The following FAM193B variants were observed in gnomAD, a reference collection of about 807,000 sequenced individuals.
FAM193B encodes protein FAM193B.
FAM193B carries 27 observed loss-of-function variants against 70.7 expected under a neutral mutation model. The observed-to-expected ratio is 0.38, with a 90% CI of 0.28 to 0.53. The LOEUF is 0.53. Ranked by LOEUF, FAM193B falls within the 20% of genes least tolerant of loss-of-function variation. The pLI is 0.81. For missense variants in FAM193B, 1,022 were observed against 1,072.5 expected, an observed-to-expected ratio of 0.95 and a Z score of 0.66; for synonymous variants, 448 against 436.0, an observed-to-expected ratio of 1.03 and a Z score of -0.34.
In FAM193B at chr5:177,532,478, C is replaced by T; in HGVS notation, c.1240G>A (p.Asp414Asn). The change falls in exon 5 of 9, where the codon GAC (aspartate) becomes AAC (asparagine). Residue 414 changes from aspartate to asparagine, a missense_variant. Coordinates refer to ENST00000514747, the MANE Select transcript of FAM193B (RefSeq NM_001190946.3). The surrounding 1 kb of genome is among the most constrained non-coding windows in gnomAD (Gnocchi z 4.9). ...STHQRDGKFC[D>N]CCYCEFFGHN... ...CCGAAGAACTCACAGTAGCAGCAGT[C>T]ACAGAACTTCCCATCTCTCTGGTGG... 1 of 1,612,088 alleles carries T rather than the reference C, an allele frequency of 6.2e-7. No homozygotes were observed. The highest frequency in any genetic ancestry group is 8.5e-7 in the Non-Finnish European group (1 of 1,179,238).
At chr5:177,546,905 A>G (rs1220951800) in intron 1 of FAM193B, among the ~76,000 whole-genome samples, 1 of 152,196 alleles carries the variant, frequency 6.6e-6, no homozygotes, top group Non-Finnish European at 1.5e-5. Flanking sequence ...AGGAGGGCCC[A>G]AGCCGCAGAT....
Position 177,532,365 on chromosome 5 carries a change from C to G in FAM193B, c.1275+78G>C. The G allele has an allele frequency of 2.6e-6, 4 of 1,530,478 alleles. No individual in the cohort carries two copies. Among genetic ancestry groups the G allele is most frequent in the Non-Finnish European group, 3.5e-6 (4 of 1,141,924 alleles). 94.8% of individuals were successfully genotyped at this position (1,530,478 alleles called of 1,614,324 possible). ...TAATTACCACCGTGAGCAACGGGGT[C>G]TCTGGGGAGAGCAGGGTGCTCCTTT... On this transcript the variant is annotated intron_variant, in intron 5 of 8. Transcript: ENST00000514747. This position sits in a 1 kb window ranked among gnomAD's most constrained non-coding sequence, Gnocchi z 4.9.
chr5:177,538,136 G>C lies in FAM193B; in HGVS notation c.454-29C>G. ...GAGAAGGGGGAGGAAAAAGGCTCAC[G>C]GTCAAACAGCAAACATCGGAGCTGA... On this transcript the variant is annotated intron_variant, in intron 2 of 8. Transcript: ENST00000514747. The surrounding 1 kb of genome is among the most constrained non-coding windows in gnomAD (Gnocchi z 4.1). 1 of 1,513,916 alleles carries C rather than the reference G, an allele frequency of 6.6e-7. No homozygotes were observed. The highest frequency in any genetic ancestry group is 1.3e-5 in the South Asian group (1 of 79,184). 93.8% of individuals were successfully genotyped at this position (1,513,916 alleles called of 1,614,324 possible).
At position 177,538,707 on chromosome 5, in the gene FAM193B, C is replaced by CCA. The variant is rs1764485402; in HGVS notation, c.453+197_453+198insTG. Among the ~76,000 whole-genome samples the CCA allele has an allele frequency of 1.3e-5, 2 of 152,188 alleles. No individual in the cohort carries two copies. The highest frequency in any genetic ancestry group is 2.9e-5 in the Non-Finnish European group (2 of 68,032). ...GCACAGACCACCCTGAGGGACTGACCGGTGGGCTGCCAGAAGTTTCTCTTC... is the reference window on the plus strand; with the variant it reads ...GCACAGACCACCCTGAGGGACTGACCCAGGTGGGCTGCCAGAAGTTTCTCTTC... On this transcript the variant is annotated intron_variant, in intron 2 of 8. Coordinates refer to ENST00000514747, the MANE Select transcript of FAM193B (RefSeq NM_001190946.3). The surrounding 1 kb of genome is among the most constrained non-coding windows in gnomAD (Gnocchi z 4.1).
chr5:177,531,915 A>G lies in FAM193B; in HGVS notation c.1275+528T>C, dbSNP rs987697053. 2.5e-6 allele frequency: 3 copies of G among 1,214,906 alleles called. No individual in the cohort carries two copies. The African/African-American group carries it at 4.8e-5, about 19-fold the overall frequency. The allele number at this position is 1,214,906 out of a possible 1,614,324, so 75.3% of individuals were successfully genotyped here. On this transcript the variant is annotated intron_variant, in intron 5 of 8. Transcript: ENST00000514747. ...AATTACTTTCATTTCTTCTATCCTC[A>G]GCTGCTCTACCCTAACCAGCGGCCC...
In FAM193B at chr5:177,524,666, G is replaced by C; in HGVS notation, c.1815C>G (p.Gly605=). ...AGCTTGGCTCCTCGGAGCTGGGGTAGCCCGGCTTGGGTGTCTTGACCCAGA... is the reference window on the plus strand; with the variant it reads ...AGCTTGGCTCCTCGGAGCTGGGGTACCCCGGCTTGGGTGTCTTGACCCAGA... ...RVIWVKTPKP[G]YPSSEEPSSK... Residue 605 remains glycine (G), a synonymous_variant, in exon 6 of 9, where the codon GGC becomes GGG. Coordinates refer to ENST00000514747, the MANE Select transcript of FAM193B (RefSeq NM_001190946.3). 1 of 1,611,980 alleles carries C rather than the reference G, an allele frequency of 6.2e-7. No individual in the cohort carries two copies. Among genetic ancestry groups the C allele is most frequent in the Non-Finnish European group, 8.5e-7 (1 of 1,179,196 alleles).
chr5:177,531,438 C>T (rs756621148), intron 5 of FAM193B: 4 of 1,363,328 alleles, frequency 2.9e-6, no homozygotes, highest in Non-Finnish European at 3.9e-6. Flanking sequence ...CCTTCATGGG[C>T]AGCTCCTCTT....
intron 1 of FAM193B, chr5:177,553,539 A>G (rs1766584660): frequency 1.8e-6 from 2 of 1,140,764 alleles, no homozygotes; most frequent in Non-Finnish European, 1.1e-6. Context: ...ACCTTCTTCC[A>G]GGTGGCAAGC....
At chr5:177,528,342 G>T (rs952652854) in intron 5 of FAM193B, among the ~76,000 whole-genome samples, 6 of 152,316 alleles carry the variant, frequency 3.9e-5, no homozygotes, top group Middle Eastern at 3.4e-3. Context: ...GACAGTGAAT[G>T]CAGACATCAT....
At chr5:177,552,575 A>G (rs887985944) in intron 1 of FAM193B, among the ~76,000 whole-genome samples, 2 of 152,268 alleles carry the variant, frequency 1.3e-5, no homozygotes, top group South Asian at 4.1e-4. Flanking sequence ...AGAGAAGACA[A>G]CAGCTTTCCA....
Position 177,524,959 on chromosome 5 carries a change from C to G in FAM193B, c.1522G>C (p.Ala508Pro), listed in dbSNP as rs754913013. ...DSNGFSKEGA[A>P]EPEPQSLPPS... Reference sequence around the variant, plus strand: ...GGTAGACTCTGAGGCTCAGGCTCAGCAGCCCCCTCCTTAGAGAAGCCATTG... The same window carrying G: ...GGTAGACTCTGAGGCTCAGGCTCAGGAGCCCCCTCCTTAGAGAAGCCATTG... The change falls in exon 6 of 9, where the codon GCT (alanine) becomes CCT (proline). Residue 508 changes from alanine (A) to proline (P), a missense_variant. Physicochemically the swap from Ala to Pro is conservative, Grantham distance 27. Transcript: ENST00000514747. The G allele has an allele frequency of 4.6e-6, 7 of 1,507,868 alleles. No individual in the cohort carries two copies. The African/African-American group carries it at 9.8e-5, about 21-fold the overall frequency. The allele number at this position is 1,507,868 out of a possible 1,614,324, so 93.4% of individuals were successfully genotyped here.
intron 1 of FAM193B, among the ~76,000 whole-genome samples, chr5:177,542,212 T>G (rs987983318): frequency 6.6e-6 from 1 of 152,250 alleles, no homozygotes; most frequent in Non-Finnish European, 1.5e-5. Context: ...CCAAAGTACT[T>G]GTGGAAGGCA....
At position 177,537,947 on chromosome 5, in the gene FAM193B, G is replaced by A. The variant is rs746837825; in HGVS notation, c.614C>T (p.Ser205Leu). The change falls in exon 3 of 9, where the codon TCG becomes TTG. Residue 205 changes from serine (S) to leucine (L), a missense_variant. Physicochemically the swap from Ser to Leu is moderately radical, Grantham distance 145. Coordinates refer to ENST00000514747, the MANE Select transcript of FAM193B (RefSeq NM_001190946.3). ...PSSFLSAHKL[S>L]GLWNSPHSSG... ...GGAATGTGGGGAATTCCAGAGGCCC[G>A]AGAGCTTATGTGCCGACAGGAACGA... The A allele has an allele frequency of 3.5e-5, 55 of 1,578,188 alleles. No individual in the cohort carries two copies. The highest frequency in any genetic ancestry group is 4.2e-5 in the Non-Finnish European group (49 of 1,162,064).
In FAM193B at chr5:177,534,594, G is replaced by T. The variant is rs1463501874; in HGVS notation, c.1076+1764C>A. 2.0e-5 allele frequency among the ~76,000 whole-genome samples: 3 copies of T among 151,808 alleles called. No individual in the cohort carries two copies. In the East Asian group the frequency reaches 5.8e-4, roughly 29 times the overall value. On this transcript the variant is annotated intron_variant, in intron 4 of 8. Coordinates refer to ENST00000514747, the MANE Select transcript of FAM193B (RefSeq NM_001190946.3). ...TGGGATTACAGGAATGAGCCACCGC[G>T]CCTGGCCAGCAAAATTGATTTTATT...
chr5:177,545,015 G>C (rs1765243032), intron 1 of FAM193B, among the ~76,000 whole-genome samples: 1 of 152,046 alleles, frequency 6.6e-6, no homozygotes, highest in Admixed American at 6.6e-5. Flanking sequence ...CAGATGAAAA[G>C]AAATTTGCAA....
chr5:177,549,317 A>G (rs913665075), intron 1 of FAM193B, among the ~76,000 whole-genome samples: 2 of 150,990 alleles, frequency 1.3e-5, no homozygotes, highest in African/African-American at 4.9e-5. Flanking sequence ...CTCAGCCTCC[A>G]AAGTAGCTGG....
intron 7 of FAM193B, chr5:177,523,120 C>T (rs1762025437): frequency 4.3e-6 from 1 of 233,204 alleles, no homozygotes; most frequent in Non-Finnish European, 9.1e-6. Flanking sequence ...CTGCCTCAGC[C>T]TCCCGAGTAG....
At chr5:177,523,936 G>T in intron 7 of FAM193B, 21 bp downstream of exon 7, 1 of 1,612,460 alleles carries the variant, frequency 6.2e-7, no homozygotes, top group Non-Finnish European at 8.5e-7. Flanking sequence ...ACAAGTGGGA[G>T]AGCAGGCAGC....
intron 4 of FAM193B, among the ~76,000 whole-genome samples, chr5:177,533,801 G>A (rs1418103141): frequency 6.6e-6 from 1 of 152,240 alleles, no homozygotes; most frequent in Non-Finnish European, 1.5e-5. Context: ...AGTGCCCTGA[G>A]AAGGGGTACA....
Sources: allele counts gnomAD v4.1 joint callset (sites outside exome capture counted in the v4.1 genomes callset), GRCh38; gene constraint gnomAD v4.1.1; non-coding constraint Gnocchi (gnomAD v3.1); transcripts MANE v1.5; gene names NCBI Gene and HGNC (gene_info 2026-07-23, HGNC 2026-07-21).